MEGF10: variants seen among roughly 807,000 people sequenced by gnomAD.
MEGF10 encodes the protein multiple EGF like domains 10, also known as multiple epidermal growth factor-like domains protein 10.
MEGF10 carries 86 observed loss-of-function variants against 147.5 expected under a neutral mutation model. The observed-to-expected ratio is 0.58, with a 90% CI of 0.49 to 0.70. The LOEUF is 0.70. Among genes scored for constraint, MEGF10 ranks in the 30% least tolerant of loss-of-function variants. MEGF10 has a pLI of 0.00. For missense variants in MEGF10, 1,329 were observed against 1,487.3 expected, an observed-to-expected ratio of 0.89 and a Z score of 1.75; for synonymous variants, 478 against 525.5, an observed-to-expected ratio of 0.91 and a Z score of 1.24.
chr5:127,370,031 C>T lies in MEGF10; in HGVS notation c.412+29C>T, dbSNP rs184352764. 4.7e-3 allele frequency: 7,511 copies of T among 1,588,200 alleles called. 23 individuals carry two copies. The highest frequency in any genetic ancestry group is 5.6e-3 in the Non-Finnish European group (6,470 of 1,157,828). On this transcript the variant is annotated intron_variant, in intron 5 of 24. Coordinates refer to ENST00000503335, the MANE Select transcript of MEGF10 (RefSeq NM_001256545.2). Reference sequence around the variant, plus strand: ...AGTTTCCACCTGCTGTTGTCTGTCTCGGGATGTTTTTGCTGTAAGGCCCTC... The same window carrying T: ...AGTTTCCACCTGCTGTTGTCTGTCTTGGGATGTTTTTGCTGTAAGGCCCTC...
rs142657246 is a variant in MEGF10, at chr5:127,365,111, C to A, written c.320-4799C>A. On this transcript the variant is annotated intron_variant, in intron 4 of 24. Transcript: ENST00000503335. ...TGTGACTTACACTCTTTGCTCATAG[C>A]GTCAGAATAAAAGGAACTTCTGGTG... is the stretch of plus-strand genomic sequence containing the variant. 9.6e-4 allele frequency among the ~76,000 whole-genome samples: 146 copies of A among 152,204 alleles called. 11 individuals carry two copies. The South Asian group carries it at 0.016, about 17-fold the overall frequency.
upstream of MEGF10, among the ~76,000 whole-genome samples, chr5:127,290,507 C>A (rs76202268): frequency 4.6e-5 from 7 of 152,314 alleles, no homozygotes; most frequent in East Asian, 1.2e-3. Flanking sequence ...TCTGACACCC[C>A]TTCGGTCACC....
At chr5:127,246,426 G>A in the MEGF10 span, among the ~76,000 whole-genome samples, 60,556 of 151,698 alleles carry the variant, frequency 0.4, 12,577 homozygotes, top group Middle Eastern at 0.54. Context: ...GGTACAGGGA[G>A]GGGAACATCA....
chr5:127,275,208 G>A, the MEGF10 span, among the ~76,000 whole-genome samples: 4 of 152,172 alleles, frequency 2.6e-5, no homozygotes, highest in African/African-American at 9.7e-5. Context: ...ATATCAAAAA[G>A]GAAAGTTTCT....
At chr5:127,324,536 A>C (rs142258465) in intron 1 of MEGF10, among the ~76,000 whole-genome samples, 3 of 151,962 alleles carry the variant, frequency 2.0e-5, no homozygotes, top group African/African-American at 7.3e-5. Context: ...TTGGTTTCTC[A>C]CATACTTCCG....
At chr5:127,339,592 T>C (rs567572654) in intron 3 of MEGF10, among the ~76,000 whole-genome samples, 1 of 152,300 alleles carries the variant, frequency 6.6e-6, no homozygotes, top group East Asian at 1.9e-4. Context: ...CAATTTAGGC[T>C]AACTTAAATT....
At chr5:127,451,056 G>A (rs1766138662) in intron 22 of MEGF10, among the ~76,000 whole-genome samples, 1 of 152,164 alleles carries the variant, frequency 6.6e-6, no homozygotes, top group South Asian at 2.1e-4. Context: ...ACCACACTTG[G>A]CCCATTTGCT....
chr5:127,231,172 C>T, the MEGF10 span, among the ~76,000 whole-genome samples: 1 of 152,220 alleles, frequency 6.6e-6, no homozygotes, highest in African/African-American at 2.4e-5. Flanking sequence ...CCACTCTTCA[C>T]CCTGTAGTCA....
chr5:127,304,497 C>T (rs529370389), intron 1 of MEGF10, among the ~76,000 whole-genome samples: 20 of 152,114 alleles, frequency 1.3e-4, no homozygotes, highest in Non-Finnish European at 1.5e-4. Flanking sequence ...TTTTTGTTTA[C>T]TATTATTATT....
At chr5:127,342,853 A>T (rs1393336911) in intron 4 of MEGF10, among the ~76,000 whole-genome samples, 1 of 152,002 alleles carries the variant, frequency 6.6e-6, no homozygotes, top group African/African-American at 2.4e-5. Flanking sequence ...TCCTTTAGAT[A>T]TGCTAATATA....
At chr5:127,349,263 C>A (rs1580746110) in intron 4 of MEGF10, among the ~76,000 whole-genome samples, 1 of 152,094 alleles carries the variant, frequency 6.6e-6, no homozygotes, top group Non-Finnish European at 1.5e-5. Flanking sequence ...TTCTAAGCAT[C>A]ACCTCATAAT....
intron 4 of MEGF10, among the ~76,000 whole-genome samples, chr5:127,363,394 G>A (rs532358358): frequency 2.0e-5 from 3 of 152,260 alleles, no homozygotes; most frequent in East Asian, 3.9e-4. Flanking sequence ...CAGAGTGAAG[G>A]GTTCCATGAT....
chr5:127,441,866 T>A (rs550925256), intron 18 of MEGF10, among the ~76,000 whole-genome samples: 1 of 152,194 alleles, frequency 6.6e-6, no homozygotes, highest in Non-Finnish European at 1.5e-5. Context: ...CTCAATTTTA[T>A]GTGCTAAACC....
At chr5:127,414,433 C>G (rs1220618063) in intron 9 of MEGF10, among the ~76,000 whole-genome samples, 2 of 151,958 alleles carry the variant, frequency 1.3e-5, no homozygotes, top group African/African-American at 2.4e-5. Context: ...TTACTCAGTG[C>G]CCAGTAAATG....
chr5:127,338,022 T>C (rs920232135), intron 2 of MEGF10, among the ~76,000 whole-genome samples: 3 of 152,126 alleles, frequency 2.0e-5, no homozygotes, highest in African/African-American at 7.2e-5. Context: ...TGATACATAA[T>C]GACTACCAGA....
At chr5:127,456,949 C>A (rs903466292) in intron 24 of MEGF10, among the ~76,000 whole-genome samples, 179 bp from the exon 25 acceptor site, 1 of 152,170 alleles carries the variant, frequency 6.6e-6, no homozygotes, top group Non-Finnish European at 1.5e-5. Flanking sequence ...GCCAGTTGAT[C>A]CAACTACACA....
the MEGF10 span, among the ~76,000 whole-genome samples, chr5:127,272,199 A>C: frequency 1.3e-5 from 2 of 152,102 alleles, no homozygotes; most frequent in Non-Finnish European, 2.9e-5. Flanking sequence ...TCCTTTCTCC[A>C]TTGCTTATTT....
At position 127,449,223 on chromosome 5, in the gene MEGF10, G is replaced by T. The variant is rs1247305358; in HGVS notation, c.2980+1G>T. ...CATGGCGGCTACCTCAACGAGCTCG[G>T]TGAGTTCTCCCAACGCACGTCCCCA... On this transcript the variant is annotated splice_donor_variant, in intron 22 of 24. Coordinates refer to ENST00000503335, the MANE Select transcript of MEGF10 (RefSeq NM_001256545.2). LOFTEE classifies it high-confidence loss of function. 11 of 1,613,336 alleles carry T rather than the reference G, an allele frequency of 6.8e-6. No homozygotes were observed. The highest frequency in any genetic ancestry group is 4.0e-5 in the African/African-American group (3 of 74,906).
At chr5:127,340,716 T>C in intron 4 of MEGF10, 86 bp downstream of exon 4, 1 of 1,017,128 alleles carries the variant, frequency 9.8e-7, no homozygotes, top group Non-Finnish European at 1.5e-6. Flanking sequence ...GACAGAGGTC[T>C]GGGGAGATGG....
Sources: allele counts gnomAD v4.1 joint callset (sites outside exome capture counted in the v4.1 genomes callset), GRCh38; gene constraint gnomAD v4.1.1; transcripts MANE v1.5; gene names NCBI Gene and HGNC (gene_info 2026-07-23, HGNC 2026-07-21).